Variants in TAFA2 observed in about 807,000 individuals in gnomAD.
TAFA2 encodes chemokine-like protein TAFA-2.
A neutral mutation model predicts 18.8 loss-of-function variants in TAFA2; 7 were observed. That is an observed-to-expected ratio of 0.37 (90% CI 0.21 to 0.70). The LOEUF (loss-of-function observed/expected upper bound fraction) is 0.70. Ranked by LOEUF, TAFA2 falls within the 30% of genes least tolerant of loss-of-function variation. TAFA2 has a pLI of 0.53. For synonymous variants in TAFA2, 60 were observed against 54.2 expected, an observed-to-expected ratio of 1.11 and a Z score of -0.47; for missense variants, 122 against 158.1, an observed-to-expected ratio of 0.77 and a Z score of 1.23.
chr12:61,764,587 A>G (rs1238842560), intron 2 of TAFA2, among the ~76,000 whole-genome samples: 1 of 152,072 alleles, frequency 6.6e-6, no homozygotes, highest in East Asian at 1.9e-4. Context: ...AAATGAAGAA[A>G]TCAGACTAGA....
intron 1 of TAFA2, among the ~76,000 whole-genome samples, chr12:62,204,549 AT>A (rs564483708): frequency 3.3e-4 from 49 of 150,610 alleles, no homozygotes; most frequent in Admixed American, 1.4e-3. Flanking sequence ...TTTCTCTAAT[AT>A]TGTCTGCCTG....
At chr12:62,055,697 C>A (rs1156605278) in intron 1 of TAFA2, among the ~76,000 whole-genome samples, 1 of 152,082 alleles carries the variant, frequency 6.6e-6, no homozygotes, top group Non-Finnish European at 1.5e-5. Flanking sequence ...CAGGTTATAA[C>A]CTTTTTATAA....
chr12:61,980,142 G>A (rs185739660), intron 1 of TAFA2, among the ~76,000 whole-genome samples: 2 of 152,178 alleles, frequency 1.3e-5, no homozygotes, highest in East Asian at 3.9e-4. Flanking sequence ...TGCAAGGCTG[G>A]TTTAACATAT....
intron 1 of TAFA2, among the ~76,000 whole-genome samples, chr12:62,207,726 T>A (rs908550359): frequency 6.6e-6 from 1 of 152,070 alleles, no homozygotes; most frequent in East Asian, 1.9e-4. Context: ...CAATCAAAGA[T>A]CAAAGAAAAA....
intron 1 of TAFA2, among the ~76,000 whole-genome samples, chr12:61,954,599 G>T (rs1426324210): frequency 2.0e-5 from 3 of 152,018 alleles, no homozygotes; most frequent in Non-Finnish European, 4.4e-5. Flanking sequence ...TGTTGGGGTG[G>T]ACTTGAGCTG....
intron 1 of TAFA2, among the ~76,000 whole-genome samples, chr12:62,059,064 C>G (rs1056894023): frequency 1.3e-5 from 2 of 151,800 alleles, no homozygotes; most frequent in Non-Finnish European, 2.9e-5. Flanking sequence ...GATCACGGCA[C>G]TGCACTCCAG....
chr12:61,748,281 A>C (rs1169533774), intron 4 of TAFA2, among the ~76,000 whole-genome samples: 1 of 152,144 alleles, frequency 6.6e-6, no homozygotes, highest in African/African-American at 2.4e-5. Context: ...TGTATTTCTT[A>C]CTGTGAGTTG....
intron 1 of TAFA2, among the ~76,000 whole-genome samples, chr12:62,089,768 G>A (rs2136832205): frequency 6.6e-6 from 1 of 152,042 alleles, no homozygotes; most frequent in East Asian, 1.9e-4. Context: ...TGGATTAGAA[G>A]GCTAGGTGAA....
chr12:61,923,375 G>A (rs1877141307), intron 1 of TAFA2, among the ~76,000 whole-genome samples: 1 of 152,212 alleles, frequency 6.6e-6, no homozygotes, highest in East Asian at 1.9e-4. Flanking sequence ...CCTCTGGGAT[G>A]AAAGTTCGAG....
At chr12:61,831,493 C>A (rs1249797164) in intron 2 of TAFA2, among the ~76,000 whole-genome samples, 1 of 151,998 alleles carries the variant, frequency 6.6e-6, no homozygotes, top group East Asian at 1.9e-4. Flanking sequence ...CTGAATCCAC[C>A]AATTTTCTTC....
intron 1 of TAFA2, among the ~76,000 whole-genome samples, chr12:61,868,866 T>A (rs1477136179): frequency 3.9e-5 from 6 of 152,140 alleles, no homozygotes; most frequent in African/African-American, 1.4e-4. Flanking sequence ...GGCTTCTAAT[T>A]ATTTGGCCTT....
At chr12:62,198,600 CTCT>C (rs140248358) in intron 1 of TAFA2, among the ~76,000 whole-genome samples, 17,858 of 152,104 alleles carry the variant, frequency 0.12, 1,085 homozygotes, top group Middle Eastern at 0.19. Flanking sequence ...CACTTGTCTC[CTCT>C]TATTTTATTT....
intron 1 of TAFA2, among the ~76,000 whole-genome samples, chr12:62,257,397 T>C (rs1344371413): frequency 6.6e-6 from 1 of 151,882 alleles, no homozygotes; most frequent in Non-Finnish European, 1.5e-5. Flanking sequence ...TCTTTGACAC[T>C]TTAGTTTTAA....
chr12:62,188,022 C>T (rs1197448606), intron 1 of TAFA2, among the ~76,000 whole-genome samples: 1 of 152,124 alleles, frequency 6.6e-6, no homozygotes, highest in African/African-American at 2.4e-5. Flanking sequence ...CAGGCTATAT[C>T]ATGTGAAATT....
intron 1 of TAFA2, among the ~76,000 whole-genome samples, chr12:62,163,501 C>T (rs898951036): frequency 6.6e-6 from 1 of 152,108 alleles, no homozygotes; most frequent in Non-Finnish European, 1.5e-5. Context: ...GGGCCAGAAG[C>T]AACCATTGCT....
chr12:62,100,111 C>T (rs556338501), intron 1 of TAFA2, among the ~76,000 whole-genome samples: 46 of 151,088 alleles, frequency 3.0e-4, no homozygotes, highest in Non-Finnish European at 5.5e-4. Context: ...GCCACAAACA[C>T]TGCCTCTTCA....
Position 61,710,130 on chromosome 12 carries a change from T to C in TAFA2, c.*276A>G, listed in dbSNP as rs1354246325. 2.3e-6 allele frequency: 1 copy of C among 428,870 alleles called. No individual in the cohort carries two copies. Among genetic ancestry groups the C allele is most frequent in the African/African-American group, 2.1e-5 (1 of 48,752 alleles). The allele number at this position is 428,870 out of a possible 1,614,324, so 26.6% of individuals were successfully genotyped here. On this transcript the variant is annotated 3_prime_UTR_variant, in exon 5 of 5. Transcript: ENST00000416284. ...AACATCACCCTGAAAAAAACAACTC[T>C]TCACCAGCTCCTCAGACAGTGACTT...
chr12:61,857,301 A>T (rs1427550964), intron 2 of TAFA2, among the ~76,000 whole-genome samples: 3 of 152,156 alleles, frequency 2.0e-5, no homozygotes, highest in Admixed American at 1.3e-4. Flanking sequence ...ATTTATTAGT[A>T]TTCAAAAGTA....
intron 1 of TAFA2, among the ~76,000 whole-genome samples, chr12:61,965,661 TAAG>T (rs1251849888): frequency 6.6e-6 from 1 of 151,876 alleles, no homozygotes; most frequent in African/African-American, 2.4e-5. Flanking sequence ...CAGCAACAAG[TAAG>T]AAGTCTAATT....
Sources: allele counts gnomAD v4.1 joint callset (sites outside exome capture counted in the v4.1 genomes callset), GRCh38; gene constraint gnomAD v4.1.1; transcripts MANE v1.5; gene names NCBI Gene and HGNC (gene_info 2026-07-23, HGNC 2026-07-21).